DENND2A: variants seen among roughly 807,000 people sequenced by gnomAD.
The protein encoded by DENND2A is DENN domain containing 2A.
DENND2A carries 53 observed loss-of-function variants against 105.3 expected under a neutral mutation model. That is an observed-to-expected ratio of 0.50 (90% CI 0.40 to 0.63). The LOEUF (loss-of-function observed/expected upper bound fraction) is 0.63, where lower values mean the gene tolerates loss of function less well. Among genes scored for constraint, DENND2A ranks in the 30% least tolerant of loss-of-function variants. DENND2A has a pLI of 0.00. For synonymous variants in DENND2A, 522 were observed against 508.4 expected (o/e 1.03, Z -0.36); for missense variants, 1,138 against 1,279.6 (o/e 0.89, Z 1.69).
At chr7:140,572,461 T>A (rs752050283) in intron 6 of DENND2A, among the ~76,000 whole-genome samples, 1 of 151,254 alleles carries the variant, frequency 6.6e-6, no homozygotes, top group Non-Finnish European at 1.5e-5. Context: ...AAATTAAGAA[T>A]CCCTGCTCTC....
intron 1 of DENND2A, among the ~76,000 whole-genome samples, chr7:140,633,459 GCT>G (rs1368077962): frequency 6.6e-6 from 1 of 152,048 alleles, no homozygotes; most frequent in Non-Finnish European, 1.5e-5. Context: ...CTGGCCTAAT[GCT>G]CTCTTTTTAC....
chr7:140,587,330 C>T (rs566776235), intron 4 of DENND2A, among the ~76,000 whole-genome samples: 6 of 152,256 alleles, frequency 3.9e-5, no homozygotes, highest in Non-Finnish European at 7.4e-5. Flanking sequence ...TGTCCTGCGG[C>T]CAACAGGCAG....
At chr7:140,634,155 C>T (rs1411150218) in intron 1 of DENND2A, among the ~76,000 whole-genome samples, 4 of 152,140 alleles carry the variant, frequency 2.6e-5, no homozygotes, top group Admixed American at 2.0e-4. Flanking sequence ...CCCGCCACCA[C>T]GCCCGGCTAA....
chr7:140,525,697 A>G, intron 16 of DENND2A, 54 bp downstream of exon 16: 1 of 1,516,782 alleles, frequency 6.6e-7, no homozygotes, highest in Non-Finnish European at 8.9e-7. Context: ...TGAGCCCCAA[A>G]CAACAAATAG....
At position 140,573,927 on chromosome 7, in the gene DENND2A, G is replaced by T; in HGVS notation, c.1327C>A (p.Arg443=). 6.2e-7 allele frequency: 1 copy of T among 1,614,130 alleles called. No individual in the cohort carries two copies. The highest frequency in any genetic ancestry group is 8.5e-7 in the Non-Finnish European group (1 of 1,180,036). The part of the protein sequence containing the change: ...FKLLDTRKLS[R]DGTGSPSKIS... ...TTGGAAGGGGACCCAGTTCCATCCC[G>T]ACTCAGCTTCCTAGTGTCCAGCAGC... The change falls in exon 6 of 20, where the codon CGG becomes AGG. Residue 443 remains arginine (R), a synonymous_variant. Coordinates refer to ENST00000496613, the MANE Select transcript of DENND2A (RefSeq NM_015689.5).
intron 1 of DENND2A, among the ~76,000 whole-genome samples, chr7:140,616,204 T>C (rs569917454): frequency 1.3e-5 from 2 of 152,202 alleles, no homozygotes; most frequent in East Asian, 3.9e-4. Flanking sequence ...CCATCTCTAC[T>C]AAAAATATAA....
At chr7:140,546,657 A>T (rs1796920802) in intron 13 of DENND2A, 142 bp downstream of exon 13, 1 of 1,073,736 alleles carries the variant, frequency 9.3e-7, no homozygotes. Flanking sequence ...ACTCATGATG[A>T]GTGATCTGGG....
intron 3 of DENND2A, among the ~76,000 whole-genome samples, chr7:140,600,460 C>T (rs1440534748): frequency 6.6e-6 from 1 of 152,008 alleles, no homozygotes; most frequent in East Asian, 1.9e-4. Flanking sequence ...AAGAATGGAA[C>T]TCAAAGGAGC....
intron 16 of DENND2A, 140 bp downstream of exon 16, chr7:140,525,606 TCAGCC>T (rs768420523): frequency 2.1e-5 from 13 of 614,118 alleles, no homozygotes; most frequent in Non-Finnish European, 3.2e-5. Context: ...TGGCTTGTCC[TCAGCC>T]CAGCCCCGTC....
chr7:140,546,694 C>A, intron 13 of DENND2A, 105 bp downstream of exon 13: 1 of 1,430,288 alleles, frequency 7.0e-7, no homozygotes, highest in Non-Finnish European at 9.5e-7. Flanking sequence ...GGAGAAGACA[C>A]CAAGGAATTG....
intron 5 of DENND2A, among the ~76,000 whole-genome samples, chr7:140,576,132 T>G (rs1368573478): frequency 1.3e-5 from 2 of 152,050 alleles, no homozygotes; most frequent in East Asian, 3.8e-4. Context: ...TTTGTTTATC[T>G]TTTAGGATTC....
At chr7:140,557,687 G>A (rs1308035490) in intron 11 of DENND2A, among the ~76,000 whole-genome samples, 39 of 144,722 alleles carry the variant, frequency 2.7e-4, no homozygotes, top group Non-Finnish European at 1.1e-4. Flanking sequence ...CTACAGGCGC[G>A]TGCCACCATG....
intron 1 of DENND2A, among the ~76,000 whole-genome samples, chr7:140,618,051 G>A (rs1193450036): frequency 6.6e-6 from 1 of 152,150 alleles, no homozygotes; most frequent in African/African-American, 2.4e-5. Flanking sequence ...GTGCAATTTA[G>A]TGGCCATCTT....
intron 12 of DENND2A, among the ~76,000 whole-genome samples, chr7:140,547,263 AG>A (rs1452730840): frequency 6.6e-6 from 1 of 152,196 alleles, no homozygotes; most frequent in Admixed American, 6.5e-5. Flanking sequence ...TATAACCCCA[AG>A]GGGGTAAGAA....
In DENND2A at chr7:140,640,603, G is replaced by T. The variant is rs1801165811; in HGVS notation, c.-347C>A. 2 of 148,842 alleles carry T rather than the reference G, an allele frequency of 1.3e-5. No individual in the cohort carries two copies. The highest frequency in any genetic ancestry group is 1.9e-4 in the South Asian group (1 of 5,362). The allele number at this position is 148,842 out of a possible 1,614,324, so 9.2% of individuals were successfully genotyped here. On this transcript the variant is annotated 5_prime_UTR_variant, in exon 1 of 20. Transcript: ENST00000496613. The surrounding 1 kb of genome is among the most constrained non-coding windows in gnomAD (Gnocchi z 4.9). ...GCGCGGCTCGGGGGCGGGCGGCGGCGGGTGCCGGGGACGCCATGGCCCTCC... is the reference window on the plus strand; with the variant it reads ...GCGCGGCTCGGGGGCGGGCGGCGGCTGGTGCCGGGGACGCCATGGCCCTCC...
intron 11 of DENND2A, among the ~76,000 whole-genome samples, chr7:140,557,540 T>A (rs1418042263): frequency 2.1e-4 from 13 of 63,222 alleles, no homozygotes; most frequent in African/African-American, 5.6e-4. Context: ...TATTTTTTTT[T>A]TTTTTTTTTT....
intron 14 of DENND2A, among the ~76,000 whole-genome samples, chr7:140,528,930 C>T (rs1248164481): frequency 6.6e-6 from 1 of 151,890 alleles, no homozygotes; most frequent in Non-Finnish European, 1.5e-5. Context: ...ATGGTGATAC[C>T]TCATCTCTAT....
rs750725579 is a variant in DENND2A at position 140,568,187 on chromosome 7, G to A, written c.1591+576C>T. ...GAACTCCCGACCTTGTGATCCACCC[G>A]CCTCGGCCTCCTAAAGTGCTGGGAT... On this transcript the variant is annotated intron_variant, in intron 8 of 19. Coordinates refer to ENST00000496613, the MANE Select transcript of DENND2A (RefSeq NM_015689.5). Among the ~76,000 whole-genome samples the A allele has an allele frequency of 2.7e-4, 41 of 152,128 alleles. 1 individual carries two copies. The highest frequency in any genetic ancestry group is 3.9e-4 in the Admixed American group (6 of 15,272).
At chr7:140,560,892 C>T (rs957170252) in intron 9 of DENND2A, among the ~76,000 whole-genome samples, 2 of 151,776 alleles carry the variant, frequency 1.3e-5, no homozygotes, top group African/African-American at 4.8e-5. Context: ...CGAGAGCATA[C>T]CACTGCACTC....
Sources: allele counts gnomAD v4.1 joint callset (sites outside exome capture counted in the v4.1 genomes callset), GRCh38; gene constraint gnomAD v4.1.1; non-coding constraint Gnocchi (gnomAD v3.1); transcripts MANE v1.5; gene names NCBI Gene and HGNC (gene_info 2026-07-23, HGNC 2026-07-21).